Variants in DNAJC13 observed in about 807,000 individuals in gnomAD.
DNAJC13 encodes the protein DnaJ heat shock protein family (Hsp40) member C13, also known as dnaJ homolog subfamily C member 13.
In DNAJC13, 75 loss-of-function variants were observed where a neutral mutation model predicts 290.5. The ratio of observed to expected loss-of-function variants is 0.26; its 90% CI spans 0.21 to 0.31. The LOEUF (loss-of-function observed/expected upper bound fraction) is 0.31, where lower values mean the gene tolerates loss of function less well. Ranked by LOEUF, DNAJC13 falls within the 10% of genes least tolerant of loss-of-function variation. DNAJC13 has a pLI of 1.00. For synonymous variants in DNAJC13, 862 were observed against 892.0 expected, an observed-to-expected ratio of 0.97 and a Z score of 0.60; for missense variants, 2,260 against 2,674.5, an observed-to-expected ratio of 0.85 and a Z score of 3.42.
chr3:132,469,960 A>ATGC (rs1934132057), intron 20 of DNAJC13, among the ~76,000 whole-genome samples: 1 of 29,266 alleles, frequency 3.4e-5, no homozygotes, highest in South Asian at 1.6e-3. Context: ...TGGAGCAGAG[A>ATGC]TTCTTTTTTT....
chr3:132,456,221 T>C lies in DNAJC13; in HGVS notation c.933-14T>C. Reference sequence around the variant, plus strand: ...TCAATGCTAAAACCTTTTTTTACTTTTAATCTTACTTAGAGATTCCTTATT... The same window carrying C: ...TCAATGCTAAAACCTTTTTTTACTTCTAATCTTACTTAGAGATTCCTTATT... On this transcript the variant is annotated splice_polypyrimidine_tract_variant and intron_variant, in intron 9 of 55. Coordinates refer to ENST00000260818, the MANE Select transcript of DNAJC13 (RefSeq NM_015268.4). 1 of 1,606,750 alleles carries C rather than the reference T, an allele frequency of 6.2e-7. No individual in the cohort carries two copies. Among genetic ancestry groups the C allele is most frequent in the Non-Finnish European group, 8.5e-7 (1 of 1,177,764 alleles).
chr3:132,431,791 A>G (rs1380370374), intron 1 of DNAJC13, among the ~76,000 whole-genome samples: 1 of 152,200 alleles, frequency 6.6e-6, no homozygotes, highest in Non-Finnish European at 1.5e-5. Flanking sequence ...ATACCAGAAT[A>G]TTACTTGGCA....
intron 1 of DNAJC13, among the ~76,000 whole-genome samples, chr3:132,424,607 A>G (rs1939044023): frequency 6.6e-6 from 1 of 152,154 alleles, no homozygotes; most frequent in Non-Finnish European, 1.5e-5. Flanking sequence ...AAACTAGTTA[A>G]AAGTTGATTA....
chr3:132,451,377 A>G (rs1933409921), intron 6 of DNAJC13, among the ~76,000 whole-genome samples: 1 of 152,162 alleles, frequency 6.6e-6, no homozygotes, highest in South Asian at 2.1e-4. Context: ...CTGGCTGTTT[A>G]TAATCTGAAA....
Position 132,450,743 on chromosome 3 carries a change from A to G in DNAJC13, c.433A>G (p.Asn145Asp). The change falls in exon 6 of 56, where the codon AAC (asparagine) becomes GAC (aspartate). Residue 145 changes from asparagine (N) to aspartate (D), a missense_variant. Coordinates refer to ENST00000260818, the MANE Select transcript of DNAJC13 (RefSeq NM_015268.4). ...CTTTGACCAAATTAATCCTGCAACC[A>G]ACAGAGTACTCTGTTCCTATGACTA... is the stretch of plus-strand genomic sequence containing the variant. ...GGFDQINPATNRVLCSYDYRN... is the reference protein window; with the variant it reads ...GGFDQINPATDRVLCSYDYRN... The G allele has an allele frequency of 6.2e-7, 1 of 1,612,520 alleles. No individual in the cohort carries two copies.
At chr3:132,484,501 G>A (rs577457221) in intron 28 of DNAJC13, 87 bp from the exon 29 acceptor site, 1 of 1,222,874 alleles carries the variant, frequency 8.2e-7, no homozygotes, top group African/African-American at 1.5e-5. Flanking sequence ...AAGGTAACCT[G>A]CTTCATGCCT....
chr3:132,459,019 A>G (rs1933707072), intron 13 of DNAJC13, among the ~76,000 whole-genome samples: 1 of 151,820 alleles, frequency 6.6e-6, no homozygotes, highest in Non-Finnish European at 1.5e-5. Flanking sequence ...AATAATGATT[A>G]ATTTTTTTCT....
Position 132,538,261 on chromosome 3 carries a change from C to T in DNAJC13, c.6711C>T (p.Gly2237=), listed in dbSNP as rs1157325200. The T allele has an allele frequency of 8.7e-6, 14 of 1,613,420 alleles. No individual in the cohort carries two copies. Among genetic ancestry groups the T allele is most frequent in the Non-Finnish European group, 1.1e-5 (13 of 1,179,820 alleles). ...NLPPPVDHEA[G]DLGYQT Reference sequence around the variant, plus strand: ...CACCTCCTGTAGACCATGAGGCAGGCGACCTTGGCTATCAGACTTGAAATA... The same window carrying T: ...CACCTCCTGTAGACCATGAGGCAGGTGACCTTGGCTATCAGACTTGAAATA... The change falls in exon 56 of 56, where the codon GGC becomes GGT. Residue 2237 remains glycine, a synonymous_variant. Coordinates refer to ENST00000260818, the MANE Select transcript of DNAJC13 (RefSeq NM_015268.4).
Position 132,450,589 on chromosome 3 carries a change from T to C in DNAJC13, c.337-58T>C, listed in dbSNP as rs1933388038. 6 of 1,328,842 alleles carry C rather than the reference T, an allele frequency of 4.5e-6. No homozygotes were observed. The Admixed American group carries it at 1.2e-4, about 27-fold the overall frequency. 82.3% of individuals were successfully genotyped at this position (1,328,842 alleles called of 1,614,324 possible). A position where few individuals can be genotyped will look rare whatever the true frequency, so the allele number is the denominator to read the frequency against. On this transcript the variant is annotated intron_variant, in intron 5 of 55. Transcript: ENST00000260818. ...TCAATAGTGACTGTGATACATTAAA[T>C]TTTATTTTATATGATTTTATTTTAT... is the stretch of plus-strand genomic sequence containing the variant.
chr3:132,501,450 A>G (rs1935409229), intron 39 of DNAJC13, among the ~76,000 whole-genome samples: 1 of 152,168 alleles, frequency 6.6e-6, no homozygotes, highest in South Asian at 2.1e-4. Context: ...ACCATAAGGA[A>G]AAGTTTAGCT....
At chr3:132,475,183 G>A (rs1383827931) in intron 22 of DNAJC13, 98 bp downstream of exon 22, 1 of 813,058 alleles carries the variant, frequency 1.2e-6, no homozygotes, top group Non-Finnish European at 1.8e-6. Context: ...TACATATCTG[G>A]TCTTTACCTT....
intron 46 of DNAJC13, 139 bp downstream of exon 46, chr3:132,514,809 CTAA>C: frequency 3.0e-6 from 2 of 668,310 alleles, no homozygotes; most frequent in Middle Eastern, 6.5e-4. Flanking sequence ...ATTTGTCTTC[CTAA>C]TAATGTTTTA....
intron 1 of DNAJC13, among the ~76,000 whole-genome samples, chr3:132,432,218 G>A (rs6778391): frequency 2.6e-5 from 4 of 151,646 alleles, no homozygotes; most frequent in East Asian, 3.9e-4. Flanking sequence ...GTTTTTTTGG[G>A]GGGGGACAGA....
chr3:132,474,661 A>G (rs1934402722), intron 21 of DNAJC13, among the ~76,000 whole-genome samples: 2 of 150,852 alleles, frequency 1.3e-5, no homozygotes, highest in Admixed American at 6.6e-5. Context: ...TTTTTCCTCA[A>G]CTTTTTATTA....
intron 26 of DNAJC13, 34 bp from the exon 27 acceptor site, chr3:132,482,192 C>CT (rs756936837): frequency 3.2e-6 from 5 of 1,573,448 alleles, no homozygotes; most frequent in Non-Finnish European, 4.3e-6. Context: ...AGATTTCTGC[C>CT]TTGGAAAATA....
At chr3:132,463,592 T>A in intron 16 of DNAJC13, 104 bp from the exon 17 acceptor site, 3 of 1,347,982 alleles carry the variant, frequency 2.2e-6, no homozygotes. Flanking sequence ...TTCTATTACA[T>A]ACTGAATGTT....
intron 20 of DNAJC13, among the ~76,000 whole-genome samples, chr3:132,472,262 A>G (rs1288718528): frequency 6.6e-6 from 1 of 152,206 alleles, no homozygotes; most frequent in Non-Finnish European, 1.5e-5. Flanking sequence ...TGGAGCAGAG[A>G]TTCTTAACCT....
chr3:132,493,897 AAC>A (rs1332502937), intron 33 of DNAJC13, among the ~76,000 whole-genome samples: 1 of 152,174 alleles, frequency 6.6e-6, no homozygotes, highest in East Asian at 1.9e-4. Context: ...CCTAATACAT[AAC>A]ACAGATTGGC....
At chr3:132,450,582 C>A in intron 5 of DNAJC13, 65 bp from the exon 6 acceptor site, 1 of 1,204,034 alleles carries the variant, frequency 8.3e-7, no homozygotes, top group Non-Finnish European at 1.2e-6. Flanking sequence ...GACTGTGATA[C>A]ATTAAATTTT....
Sources: allele counts gnomAD v4.1 joint callset (sites outside exome capture counted in the v4.1 genomes callset), GRCh38; gene constraint gnomAD v4.1.1; transcripts MANE v1.5; gene names NCBI Gene and HGNC (gene_info 2026-07-23, HGNC 2026-07-21).